The following TPST1 variants were observed in gnomAD, a reference collection of about 807,000 sequenced individuals.
TPST1 encodes tyrosylprotein sulfotransferase 1.
A neutral mutation model predicts 34.8 loss-of-function variants in TPST1; 20 were observed. The observed-to-expected ratio is 0.57, with a 90% CI of 0.40 to 0.84. TPST1 has a LOEUF of 0.84. Ranked by LOEUF, TPST1 falls within the 40% of genes least tolerant of loss-of-function variation. The pLI, the probability that TPST1 is intolerant of heterozygous loss-of-function variation, is 0.00. For missense variants in TPST1, 353 were observed against 455.5 expected, an observed-to-expected ratio of 0.78 and a Z score of 2.05; for synonymous variants, 152 against 159.4, an observed-to-expected ratio of 0.95 and a Z score of 0.35.
chr7:66,261,442 T>C (rs1790487170), intron 2 of TPST1, among the ~76,000 whole-genome samples: 1 of 152,168 alleles, frequency 6.6e-6, no homozygotes, highest in Non-Finnish European at 1.5e-5. Flanking sequence ...TATTTCCCAG[T>C]ATATCAGTTT....
chr7:66,316,274 A>T (rs1791631750), intron 3 of TPST1, among the ~76,000 whole-genome samples: 1 of 152,230 alleles, frequency 6.6e-6, no homozygotes, highest in Admixed American at 6.5e-5. Context: ...TGACTTAAAT[A>T]TAATATAGTT....
chr7:66,259,901 T>C (rs1296540390), intron 2 of TPST1, among the ~76,000 whole-genome samples: 2 of 152,214 alleles, frequency 1.3e-5, no homozygotes, highest in African/African-American at 4.8e-5. Flanking sequence ...AAATCCTCCG[T>C]GTTCCCCCTA....
At chr7:66,269,610 C>CGG (rs1790658052) in intron 2 of TPST1, among the ~76,000 whole-genome samples, 1 of 151,870 alleles carries the variant, frequency 6.6e-6, no homozygotes, top group African/African-American at 2.4e-5. Context: ...ATAGTAAAGA[C>CGG]TGCACTCAAC....
At chr7:66,243,941 A>ATTTTTTTTT (rs55829208) in intron 2 of TPST1, among the ~76,000 whole-genome samples, 4 of 116,232 alleles carry the variant, frequency 3.4e-5, no homozygotes, top group Non-Finnish European at 5.2e-5. Flanking sequence ...ATTCTGGGAA[A>ATTTTTTTTT]TTTTTTTTTT....
At chr7:66,249,714 A>G (rs770743669) in intron 2 of TPST1, among the ~76,000 whole-genome samples, 5 of 152,222 alleles carry the variant, frequency 3.3e-5, no homozygotes, top group Non-Finnish European at 5.9e-5. Flanking sequence ...TTGCCCCTAC[A>G]GCCTGGGCTG....
chr7:66,296,566 A>C (rs1301560879), intron 3 of TPST1, among the ~76,000 whole-genome samples: 1 of 151,556 alleles, frequency 6.6e-6, no homozygotes, highest in Non-Finnish European at 1.5e-5. Flanking sequence ...CCAGAGAAAG[A>C]GGTGGCTGGC....
At chr7:66,205,022 C>T (rs1476488698), upstream of TPST1, among the ~76,000 whole-genome samples, 1 of 152,230 alleles carries the variant, frequency 6.6e-6, no homozygotes, top group African/African-American at 2.4e-5. The surrounding 1 kb of genome is among the most constrained non-coding windows in gnomAD (Gnocchi z 5.0). Context: ...GCCCGCGGCT[C>T]CCCTGCAGCC....
chr7:66,231,399 G>T (rs549804773), intron 1 of TPST1, among the ~76,000 whole-genome samples: 3 of 152,224 alleles, frequency 2.0e-5, no homozygotes, highest in Non-Finnish European at 4.4e-5. Context: ...ACTGGGTGCC[G>T]TGGAGCAGGG....
chr7:66,309,972 A>G (rs1791499215), intron 3 of TPST1, among the ~76,000 whole-genome samples: 1 of 152,222 alleles, frequency 6.6e-6, no homozygotes, highest in Admixed American at 6.5e-5. Flanking sequence ...TACAGAAAGA[A>G]TAGGGGCTTG....
intron 1 of TPST1, among the ~76,000 whole-genome samples, chr7:66,230,966 CAG>C (rs1282105376): frequency 1.3e-5 from 2 of 152,162 alleles, no homozygotes; most frequent in Non-Finnish European, 2.9e-5. Flanking sequence ...CAGCTAGATA[CAG>C]AGTGTCGATT....
intron 3 of TPST1, among the ~76,000 whole-genome samples, chr7:66,312,926 T>C (rs1001967399): frequency 2.6e-5 from 4 of 152,054 alleles, no homozygotes; most frequent in Admixed American, 6.6e-5. Context: ...AAATGTGTCA[T>C]TGTGGAAGAC....
chr7:66,320,317 G>A (rs1390375353), intron 3 of TPST1, among the ~76,000 whole-genome samples: 3 of 141,126 alleles, frequency 2.1e-5, no homozygotes. Flanking sequence ...GCACAATCTC[G>A]GCTCACTGCA....
At chr7:66,344,704 C>T (rs1319236147) in intron 3 of TPST1, among the ~76,000 whole-genome samples, 1 of 151,550 alleles carries the variant, frequency 6.6e-6, no homozygotes, top group Admixed American at 6.6e-5. Flanking sequence ...AGGCACCTCA[C>T]CCAGCCAACA....
intron 2 of TPST1, among the ~76,000 whole-genome samples, chr7:66,254,881 C>T (rs1025306515): frequency 2.0e-5 from 3 of 152,156 alleles, no homozygotes; most frequent in Non-Finnish European, 4.4e-5. Context: ...GGCGTGGTGG[C>T]TCACGCCTGT....
intron 1 of TPST1, among the ~76,000 whole-genome samples, chr7:66,215,833 C>T (rs1789393910): frequency 7.2e-6 from 1 of 139,094 alleles, no homozygotes; most frequent in South Asian, 2.2e-4. Context: ...AGTGCAGTGG[C>T]ACGATCTCGG....
At chr7:66,228,984 T>G (rs1053359554) in intron 1 of TPST1, among the ~76,000 whole-genome samples, 8 of 152,362 alleles carry the variant, frequency 5.3e-5, no homozygotes, top group African/African-American at 1.9e-4. Context: ...TTGAGTCATG[T>G]AACAGTTACA....
chr7:66,218,260 G>GT (rs1473518402), intron 1 of TPST1, among the ~76,000 whole-genome samples: 1 of 152,114 alleles, frequency 6.6e-6, no homozygotes, highest in Non-Finnish European at 1.5e-5. Flanking sequence ...TGAAATGCCT[G>GT]TATGTCTTTG....
chr7:66,330,156 G>A (rs1791969596), intron 3 of TPST1, among the ~76,000 whole-genome samples: 1 of 152,094 alleles, frequency 6.6e-6, no homozygotes, highest in Non-Finnish European at 1.5e-5. Context: ...TGGGGTCTGT[G>A]AATATGTTAC....
intron 2 of TPST1, among the ~76,000 whole-genome samples, chr7:66,246,322 T>A (rs1189319866): frequency 1.3e-5 from 2 of 151,330 alleles, no homozygotes; most frequent in Non-Finnish European, 2.9e-5. Context: ...TGAGCTGCCA[T>A]GCCCAGCCTC....
Sources: gnomAD v4.1 joint callset for allele counts (sites outside exome capture counted in the v4.1 genomes callset) on GRCh38, gnomAD v4.1.1 for gene constraint, Gnocchi (gnomAD v3.1) non-coding constraint, MANE v1.5 for transcripts, NCBI Gene and HGNC (gene_info 2026-07-23, HGNC 2026-07-21) for gene names.